Variants in SOX13 observed in about 807,000 individuals in gnomAD.
SOX13 encodes the protein SRY-box transcription factor 13.
SOX13 carries 28 observed loss-of-function variants against 71.8 expected under a neutral mutation model. The observed-to-expected ratio is 0.39, with a 90% CI of 0.29 to 0.53. The LOEUF (loss-of-function observed/expected upper bound fraction) is 0.53, where lower values mean the gene tolerates loss of function less well. Among genes scored for constraint, SOX13 ranks in the 20% least tolerant of loss-of-function variants. SOX13 has a pLI of 0.70. For missense variants in SOX13, 627 were observed against 810.3 expected, an observed-to-expected ratio of 0.77 and a Z score of 2.75; for synonymous variants, 309 against 317.8, an observed-to-expected ratio of 0.97 and a Z score of 0.29.
At chr1:204,122,007 C>A in intron 8 of SOX13, 22 bp downstream of exon 8, 1 of 1,523,774 alleles carries the variant, frequency 6.6e-7, no homozygotes, top group Non-Finnish European at 9.1e-7. Flanking sequence ...TACCCACTGG[C>A]CTGGGGCTCC....
At chr1:204,089,764 G>T (rs1656103677) in intron 1 of SOX13, among the ~76,000 whole-genome samples, 2 of 152,220 alleles carry the variant, frequency 1.3e-5, no homozygotes, top group South Asian at 4.1e-4. Context: ...CCCCTGAGCT[G>T]GCCTCCACAT....
Position 204,123,867 on chromosome 1 carries a change from A to G in SOX13, c.1375+63A>G. ...CTGGTTGCAGGAGCCAGCTGGGTCT[A>G]TTCAGGGCTTGCTTGGTGATATTCC... On this transcript the variant is annotated intron_variant, in intron 12 of 13. Transcript: ENST00000367204. This position sits in a 1 kb window ranked among gnomAD's most constrained non-coding sequence, Gnocchi z 5.0. 1 of 1,574,586 alleles carries G rather than the reference A, an allele frequency of 6.4e-7. No individual in the cohort carries two copies. The highest frequency in any genetic ancestry group is 8.7e-7 in the Non-Finnish European group (1 of 1,147,326).
At chr1:204,089,697 G>A (rs1041881326) in intron 1 of SOX13, among the ~76,000 whole-genome samples, 1 of 152,236 alleles carries the variant, frequency 6.6e-6, no homozygotes, top group Non-Finnish European at 1.5e-5. Flanking sequence ...CACCAGGGCT[G>A]TGTGGGTGCA....
intron 1 of SOX13, among the ~76,000 whole-genome samples, chr1:204,104,636 C>G (rs1488418119): frequency 6.6e-6 from 1 of 152,210 alleles, no homozygotes; most frequent in Non-Finnish European, 1.5e-5. Flanking sequence ...GGTGATGCCC[C>G]TTGGCACCAC....
At chr1:204,115,654 CTTCT>C (rs1656676209) in intron 4 of SOX13, among the ~76,000 whole-genome samples, 1 of 104,782 alleles carries the variant, frequency 9.5e-6, no homozygotes, top group African/African-American at 3.4e-5. Context: ...AGCGCTTCTT[CTTCT>C]TTTTTTTTTT....
intron 13 of SOX13, among the ~76,000 whole-genome samples, chr1:204,125,228 C>G (rs1656896765): frequency 6.6e-6 from 1 of 152,166 alleles, no homozygotes; most frequent in Admixed American, 6.5e-5. Context: ...AGCAAGCACC[C>G]TAGTCTATTC....
At chr1:204,114,647 CTCTCT>C (rs757578089) in intron 4 of SOX13, 42 bp downstream of exon 4, 24 of 1,454,708 alleles carry the variant, frequency 1.6e-5, no homozygotes, top group Non-Finnish European at 1.6e-5. Flanking sequence ...TGAACCCCAT[CTCTCT>C]TCTCCTGGTC....
intron 7 of SOX13, among the ~76,000 whole-genome samples, chr1:204,120,017 C>T (rs1038422333): frequency 2.6e-5 from 4 of 152,222 alleles, no homozygotes; most frequent in Admixed American, 6.5e-5. Flanking sequence ...GAGGCCCTGT[C>T]GCAAAACAGA....
At chr1:204,116,015 T>A (rs1656685189) in intron 4 of SOX13, 5 of 393,766 alleles carry the variant, frequency 1.3e-5, no homozygotes, top group Non-Finnish European at 2.2e-5. Context: ...TGATTATTAT[T>A]ATGCCCACTT....
chr1:204,103,407 G>C lies in SOX13; in HGVS notation c.-1-9508G>C, dbSNP rs16852850. Among the ~76,000 whole-genome samples, 1,045 of 152,340 alleles carry C rather than the reference G, an allele frequency of 6.9e-3. 12 individuals carry two copies. The highest frequency in any genetic ancestry group is 0.024 in the African/African-American group (1,009 of 41,582). The stretch of plus-strand genomic sequence containing the variant: ...GGATGTGGATTTAGACATCAGCGAG[G>C]CCTGAGTTCAAATGCTACTTCTGCT... On this transcript the variant is annotated intron_variant, in intron 1 of 13. Transcript: ENST00000367204.
At chr1:204,086,034 AT>A (rs1456708598) in intron 1 of SOX13, among the ~76,000 whole-genome samples, 1 of 152,084 alleles carries the variant, frequency 6.6e-6, no homozygotes, top group Non-Finnish European at 1.5e-5. Context: ...CAGAGACACC[AT>A]GTGAGCCAGA....
At chr1:204,079,974 A>T (rs1655868562) in intron 1 of SOX13, among the ~76,000 whole-genome samples, 1 of 152,192 alleles carries the variant, frequency 6.6e-6, no homozygotes, top group South Asian at 2.1e-4. Flanking sequence ...GGGTGTGCAC[A>T]GGGTGTGCAC....
At chr1:204,077,049 G>T (rs1655799138) in intron 1 of SOX13, among the ~76,000 whole-genome samples, 1 of 152,256 alleles carries the variant, frequency 6.6e-6, no homozygotes, top group African/African-American at 2.4e-5. Flanking sequence ...GGCAGTGGTG[G>T]CCCTAGATTG....
Position 204,124,717 on chromosome 1 carries a change from C to T in SOX13, c.1452C>T (p.His484=), listed in dbSNP as rs201054411. Residue 484 remains histidine, a synonymous_variant, in exon 13 of 14, where the codon CAC becomes CAT. Transcript: ENST00000367204. ...YEEQARLSRQ[H]LEKYPDYKYK... Reference sequence around the variant, plus strand: ...AACAGGCGCGGCTGAGCCGGCAGCACCTGGAGAAGTATCCTGACTACAAGT... The same window carrying T: ...AACAGGCGCGGCTGAGCCGGCAGCATCTGGAGAAGTATCCTGACTACAAGT... 1.4e-4 allele frequency: 220 copies of T among 1,613,272 alleles called. No individual in the cohort carries two copies. The highest frequency in any genetic ancestry group is 5.0e-4 in the Middle Eastern group (3 of 6,060).
At chr1:204,094,645 A>G (rs1436523062) in intron 1 of SOX13, among the ~76,000 whole-genome samples, 3 of 152,142 alleles carry the variant, frequency 2.0e-5, no homozygotes, top group Admixed American at 6.5e-5. Flanking sequence ...CAGTCTCCAT[A>G]GAAAATCCCC....
intron 1 of SOX13, among the ~76,000 whole-genome samples, chr1:204,074,953 G>A (rs1655754433): frequency 6.6e-6 from 1 of 151,608 alleles, no homozygotes; most frequent in Non-Finnish European, 1.5e-5. Context: ...TGGCGCTGGC[G>A]CTGGCGCTGG....
chr1:204,086,489 AG>A (rs1656021785), intron 1 of SOX13, among the ~76,000 whole-genome samples: 1 of 105,378 alleles, frequency 9.5e-6, no homozygotes, highest in Non-Finnish European at 2.1e-5. Context: ...TTTTTCATAG[AG>A]AAGGAGTTTA....
At chr1:204,091,897 G>A (rs1656153303) in intron 1 of SOX13, among the ~76,000 whole-genome samples, 1 of 151,984 alleles carries the variant, frequency 6.6e-6, no homozygotes, top group Non-Finnish European at 1.5e-5. Context: ...CTTAGCTTTG[G>A]CTCTTTCTTT....
At chr1:204,087,036 C>A (rs1656036854) in intron 1 of SOX13, among the ~76,000 whole-genome samples, 1 of 152,156 alleles carries the variant, frequency 6.6e-6, no homozygotes, top group Non-Finnish European at 1.5e-5. Context: ...CATTCTCCTA[C>A]CTCAGCCTCC....
Sources: allele counts gnomAD v4.1 joint callset (sites outside exome capture counted in the v4.1 genomes callset), GRCh38; gene constraint gnomAD v4.1.1; non-coding constraint Gnocchi (gnomAD v3.1); transcripts MANE v1.5; gene names NCBI Gene and HGNC (gene_info 2026-07-23, HGNC 2026-07-21).